The following CNTRL variants were observed in gnomAD, a reference collection of about 807,000 sequenced individuals.
CNTRL encodes the protein 110 kDa centrosomal protein.
CNTRL carries 233 observed loss-of-function variants against 303.7 expected under a neutral mutation model. The ratio of observed to expected loss-of-function variants is 0.77; its 90% confidence interval spans 0.69 to 0.86. The LOEUF is 0.86. Among genes scored for constraint, CNTRL ranks in the 40% least tolerant of loss-of-function variants. The pLI is 0.00. For synonymous variants in CNTRL, 900 were observed against 922.2 expected, an observed-to-expected ratio of 0.98 and a Z score of 0.44; for missense variants, 2,524 against 2,650.6, an observed-to-expected ratio of 0.95 and a Z score of 1.05.
At chr9:121,103,497 T>C (rs1487253007) in intron 7 of CNTRL, among the ~76,000 whole-genome samples, 5 of 152,168 alleles carry the variant, frequency 3.3e-5, no homozygotes, top group Non-Finnish European at 7.3e-5. Context: ...GGGCAAGGAC[T>C]TCATGTCTAA....
chr9:121,139,089 G>A (rs1043927270), intron 16 of CNTRL, among the ~76,000 whole-genome samples: 1 of 152,076 alleles, frequency 6.6e-6, no homozygotes, highest in Non-Finnish European at 1.5e-5. Flanking sequence ...GTTGCAGTGG[G>A]ATTTCTTATC....
At chr9:121,166,243 T>C in intron 36 of CNTRL, 63 bp downstream of exon 36, 1 of 1,198,332 alleles carries the variant, frequency 8.3e-7, no homozygotes, top group Non-Finnish European at 1.2e-6. Context: ...TTGGTTTAAA[T>C]AACAAAGAAA....
chr9:121,079,721 T>G (rs1284277342), intron 1 of CNTRL, among the ~76,000 whole-genome samples: 1 of 152,230 alleles, frequency 6.6e-6, no homozygotes, highest in Non-Finnish European at 1.5e-5. Context: ...TATATTGTAA[T>G]GTATGTGAAA....
At chr9:121,171,616 AT>A in intron 40 of CNTRL, 68 bp downstream of exon 40, 2 of 1,476,198 alleles carry the variant, frequency 1.4e-6, no homozygotes, top group South Asian at 2.5e-5. Context: ...GGCAGATTGT[AT>A]TGTTTTTAAT....
chr9:121,175,760 T>C (rs1299920959), intron 43 of CNTRL, among the ~76,000 whole-genome samples: 1 of 152,224 alleles, frequency 6.6e-6, no homozygotes, highest in Non-Finnish European at 1.5e-5. Context: ...CGACTGCAGA[T>C]TGGATGACCT....
intron 1 of CNTRL, among the ~76,000 whole-genome samples, chr9:121,076,771 C>T (rs1388230304): frequency 6.6e-6 from 1 of 151,818 alleles, no homozygotes; most frequent in African/African-American, 2.4e-5. Context: ...TGGCTGGAGA[C>T]TTTGCAGAGG....
chr9:121,171,507 C>G lies in CNTRL; in HGVS notation c.6376C>G (p.Leu2126Val). The change falls in exon 40 of 44, where the codon CTC becomes GTC. Residue 2126 changes from leucine to valine, a missense_variant. Coordinates refer to ENST00000373855, the MANE Select transcript of CNTRL (RefSeq NM_007018.6). ...HERARRLMKE[L>V]NQMQYEYTEL... is the part of the protein sequence containing the mutation. ...GCGGGCCAGGCGCCTGATGAAGGAG[C>G]TCAACCAGATGCAGTATGAGTACAC... 6.2e-7 allele frequency: 1 copy of G among 1,613,996 alleles called. No homozygotes were observed. The highest frequency in any genetic ancestry group is 8.5e-7 in the Non-Finnish European group (1 of 1,179,964).
chr9:121,166,275 C>T, intron 36 of CNTRL, 95 bp downstream of exon 36: 1 of 813,444 alleles, frequency 1.2e-6, no homozygotes, highest in Non-Finnish European at 2.0e-6. Context: ...GGTTCCTCTT[C>T]ACAACAGCAG....
Position 121,173,716 on chromosome 9 carries a change from T to C in CNTRL, c.6726T>C (p.Arg2242=). Residue 2242 remains arginine, a synonymous_variant, in exon 42 of 44, where the codon CGT becomes CGC. Coordinates refer to ENST00000373855, the MANE Select transcript of CNTRL (RefSeq NM_007018.6). ...GAGAAGCACTCCGGGAGAAACTGCG[T>C]CACCGGGAAGACCGACTCAAGGTTG... ...WRGEALREKL[R]HREDRLKAQL... The C allele has an allele frequency of 6.2e-7, 1 of 1,614,112 alleles. No individual in the cohort carries two copies. The highest frequency in any genetic ancestry group is 8.5e-7 in the Non-Finnish European group (1 of 1,180,006).
chr9:121,122,024 T>C (rs2050258199), intron 12 of CNTRL: 1 of 677,962 alleles, frequency 1.5e-6, no homozygotes, highest in African/African-American at 2.0e-5. Context: ...TTCCTGTTTT[T>C]ACAATAACTC....
intron 30 of CNTRL, 105 bp downstream of exon 30, chr9:121,158,214 A>G (rs1418512648): frequency 1.1e-5 from 15 of 1,346,330 alleles, no homozygotes; most frequent in Non-Finnish European, 1.5e-5. Flanking sequence ...TATGTATTAT[A>G]GTTGTTAAGC....
At position 121,167,635 on chromosome 9, in the gene CNTRL, T is replaced by C; in HGVS notation, c.5802T>C (p.Asn1934=). 6.2e-7 allele frequency: 1 copy of C among 1,614,120 alleles called. No homozygotes were observed. Among genetic ancestry groups the C allele is most frequent in the East Asian group, 2.2e-5 (1 of 44,870 alleles). ...TKQQQLQVLQ[N]EIEENKLKLV... is the part of the protein sequence containing the mutation. ...AACAACAACTTCAAGTGCTTCAGAATGAGATTGAAGAAAACAAGCTCAAAC... is the reference window on the plus strand; with the variant it reads ...AACAACAACTTCAAGTGCTTCAGAACGAGATTGAAGAAAACAAGCTCAAAC... The change falls in exon 37 of 44, where the codon AAT becomes AAC. Residue 1934 remains asparagine, a synonymous_variant. Transcript: ENST00000373855.
At chr9:121,091,056 G>A (rs1003357077) in intron 4 of CNTRL, among the ~76,000 whole-genome samples, 18 of 152,186 alleles carry the variant, frequency 1.2e-4, no homozygotes, top group African/African-American at 3.9e-4. Context: ...AACAGTAGGG[G>A]AAGGACCTGC....
intron 12 of CNTRL, among the ~76,000 whole-genome samples, chr9:121,121,057 G>A (rs1360916574): frequency 6.6e-6 from 1 of 152,154 alleles, no homozygotes; most frequent in Non-Finnish European, 1.5e-5. Context: ...TCAAGAGTGA[G>A]ATGCCTGCAT....
intron 4 of CNTRL, among the ~76,000 whole-genome samples, chr9:121,091,614 G>C (rs925606982): frequency 6.6e-6 from 1 of 152,080 alleles, no homozygotes; most frequent in African/African-American, 2.4e-5. Flanking sequence ...AGGCCGAGGT[G>C]GGCAGATCAC....
intron 2 of CNTRL, among the ~76,000 whole-genome samples, chr9:121,083,248 AAACTTT>A (rs1267635143): frequency 2.0e-5 from 3 of 152,206 alleles, no homozygotes; most frequent in African/African-American, 7.2e-5. Flanking sequence ...TTTACTTTAT[AAACTTT>A]AAACTTTTTA....
At chr9:121,156,214 G>T (rs2052561631) in intron 27 of CNTRL, among the ~76,000 whole-genome samples, 1 of 151,890 alleles carries the variant, frequency 6.6e-6, no homozygotes, top group Non-Finnish European at 1.5e-5. Context: ...TATAGGTATA[G>T]ATATATAAAA....
intron 14 of CNTRL, among the ~76,000 whole-genome samples, chr9:121,134,710 G>A (rs925724152): frequency 1.3e-5 from 2 of 152,174 alleles, no homozygotes; most frequent in Non-Finnish European, 2.9e-5. Context: ...ATTGAACCAC[G>A]TTCTGGGTTT....
chr9:121,142,389 C>A, intron 19 of CNTRL, 119 bp downstream of exon 19: 1 of 812,572 alleles, frequency 1.2e-6, no homozygotes, highest in Non-Finnish European at 1.8e-6. Context: ...ATTGCTGGCA[C>A]AGTGCTGAAC....
Sources: allele counts gnomAD v4.1 joint callset (sites outside exome capture counted in the v4.1 genomes callset), GRCh38; gene constraint gnomAD v4.1.1; transcripts MANE v1.5; gene names NCBI Gene and HGNC (gene_info 2026-07-23, HGNC 2026-07-21).